Variants in CAMK4 observed in about 807,000 individuals in gnomAD.
CAMK4 encodes calcium/calmodulin dependent protein kinase IV.
Under a neutral mutation model 44.9 loss-of-function variants are expected in CAMK4, and 22 were observed. The observed-to-expected ratio is 0.49, with a 90% CI of 0.35 to 0.70. The LOEUF is 0.70. CAMK4 is among the 30% of genes least tolerant of loss of function. The pLI is 0.01. For missense variants in CAMK4, 498 were observed against 586.8 expected, an observed-to-expected ratio of 0.85 and a Z score of 1.56; for synonymous variants, 218 against 215.4, an observed-to-expected ratio of 1.01 and a Z score of -0.11.
chr5:111,329,178 C>T (rs416837), intron 1 of CAMK4, among the ~76,000 whole-genome samples: 75,487 of 151,694 alleles, frequency 0.5, 19,519 homozygotes, highest in African/African-American at 0.63. Flanking sequence ...AATTCAACAA[C>T]GCTTCATGCT....
At chr5:111,469,302 AAC>A (rs200058982) in intron 7 of CAMK4, among the ~76,000 whole-genome samples, 2,275 of 150,992 alleles carry the variant, frequency 0.015, 52 homozygotes, top group African/African-American at 0.051. Flanking sequence ...TTATTTTAAA[AAC>A]AATTATTTTT....
intron 2 of CAMK4, among the ~76,000 whole-genome samples, chr5:111,372,314 C>G (rs888775477): frequency 2.0e-5 from 3 of 152,114 alleles, no homozygotes; most frequent in Admixed American, 6.6e-5. Context: ...CAACCATGGT[C>G]AAAGGAGAGC....
At chr5:111,343,232 C>G (rs1749716305) in intron 1 of CAMK4, among the ~76,000 whole-genome samples, 1 of 151,662 alleles carries the variant, frequency 6.6e-6, no homozygotes, top group Non-Finnish European at 1.5e-5. Context: ...ATTCTTTGTG[C>G]TCACTTGGAA....
chr5:111,392,898 A>T (rs1751859591), intron 4 of CAMK4, among the ~76,000 whole-genome samples: 1 of 152,132 alleles, frequency 6.6e-6, no homozygotes, highest in African/African-American at 2.4e-5. Context: ...TTCAAAAGCC[A>T]ACTTGCATAG....
intron 1 of CAMK4, among the ~76,000 whole-genome samples, chr5:111,317,172 C>G (rs981305661): frequency 1.3e-5 from 2 of 152,088 alleles, no homozygotes; most frequent in African/African-American, 4.8e-5. Flanking sequence ...GAAACAAGTG[C>G]TAGGAGACTT....
chr5:111,269,723 A>G (rs992151266), intron 1 of CAMK4, among the ~76,000 whole-genome samples: 7 of 152,030 alleles, frequency 4.6e-5, no homozygotes, highest in African/African-American at 7.3e-5. Flanking sequence ...TGCAGTCCCT[A>G]AAGAGAGCAT....
intron 2 of CAMK4, among the ~76,000 whole-genome samples, chr5:111,364,767 G>C (rs939865660): frequency 1.3e-5 from 2 of 151,982 alleles, no homozygotes; most frequent in African/African-American, 4.8e-5. Flanking sequence ...ATAGGAAGTG[G>C]CTAGTAACAG....
chr5:111,433,983 G>A (rs548736834), intron 5 of CAMK4, among the ~76,000 whole-genome samples: 28 of 152,258 alleles, frequency 1.8e-4, no homozygotes, highest in African/African-American at 6.7e-4. Context: ...TTGGATATAT[G>A]GGGGTGCTTA....
chr5:111,308,237 A>G (rs1748018797), intron 1 of CAMK4, among the ~76,000 whole-genome samples: 1 of 147,800 alleles, frequency 6.8e-6, no homozygotes, highest in African/African-American at 2.6e-5. Context: ...GTACCCTAAA[A>G]CTTAGAGTAT....
chr5:111,436,432 A>T (rs894819114), intron 5 of CAMK4, among the ~76,000 whole-genome samples: 3 of 152,174 alleles, frequency 2.0e-5, no homozygotes, highest in African/African-American at 7.2e-5. Context: ...CCCTACCCAG[A>T]GGCTTTCATC....
chr5:111,298,031 T>C (rs1289074200), intron 1 of CAMK4, among the ~76,000 whole-genome samples: 2 of 152,232 alleles, frequency 1.3e-5, no homozygotes, highest in African/African-American at 2.4e-5. Context: ...TGGTGGTATC[T>C]CTAAGTTGAT....
chr5:111,260,164 G>C (rs1749914962), intron 1 of CAMK4, among the ~76,000 whole-genome samples: 1 of 152,042 alleles, frequency 6.6e-6, no homozygotes, highest in Non-Finnish European at 1.5e-5. Flanking sequence ...CCCCCATCCT[G>C]ATCTCTCATT....
intron 7 of CAMK4, among the ~76,000 whole-genome samples, chr5:111,456,255 A>T (rs1467033796): frequency 1.3e-5 from 2 of 152,074 alleles, no homozygotes; most frequent in Non-Finnish European, 2.9e-5. Context: ...TAATCCCAGC[A>T]CTTTGGGAGG....
chr5:111,253,162 T>G (rs900170869), intron 1 of CAMK4, among the ~76,000 whole-genome samples: 8 of 152,252 alleles, frequency 5.3e-5, no homozygotes, highest in African/African-American at 1.9e-4. Context: ...GCTTAGTTTT[T>G]GATGTGGAGG....
intron 7 of CAMK4, among the ~76,000 whole-genome samples, chr5:111,456,317 C>T (rs1754412229): frequency 1.3e-5 from 2 of 151,892 alleles, no homozygotes; most frequent in Admixed American, 1.3e-4. Flanking sequence ...CTGGCTAACC[C>T]CGTCTCTTCT....
At chr5:111,478,536 A>C in intron 9 of CAMK4, 29 bp downstream of exon 9, 2 of 1,291,062 alleles carry the variant, frequency 1.5e-6, no homozygotes, top group Non-Finnish European at 2.1e-6. Flanking sequence ...AAATGAAACA[A>C]AATGAAATAA....
At position 111,452,612 on chromosome 5, in the gene CAMK4, C is replaced by T. The variant is rs139550451; in HGVS notation, c.625+3409C>T. On this transcript the variant is annotated intron_variant, in intron 7 of 10. Transcript: ENST00000282356. ...TTCAATCTATTCTTAAATCTATCTA[C>T]TTTTTTAAAATATTTAAAAATTGTA... Among the ~76,000 whole-genome samples the T allele has an allele frequency of 4.1e-3, 622 of 152,248 alleles. 10 individuals carry two copies. The highest frequency in any genetic ancestry group is 0.014 in the African/African-American group (591 of 41,536).
At position 111,232,799 on chromosome 5, in the gene CAMK4, T is replaced by C. The variant is rs57665605; in HGVS notation, c.161+8155T>C. On this transcript the variant is annotated intron_variant, in intron 1 of 10. Transcript: ENST00000282356. ...TTTTTTTAAGGAAAAAACAATCCCA[T>C]AGCCTATGACTAGGTAAGAAAGGAG... 8.7e-3 allele frequency among the ~76,000 whole-genome samples: 1,318 copies of C among 151,586 alleles called. 17 individuals carry two copies. The highest frequency in any genetic ancestry group is 0.031 in the African/African-American group (1,263 of 41,346).
At chr5:111,389,760 A>C (rs150095575) in intron 4 of CAMK4, among the ~76,000 whole-genome samples, 1 of 152,220 alleles carries the variant, frequency 6.6e-6, no homozygotes, top group Non-Finnish European at 1.5e-5. Flanking sequence ...TTTAACAGCT[A>C]TTCTTCTCCA....
Sources: gnomAD v4.1 joint callset for allele counts (sites outside exome capture counted in the v4.1 genomes callset) on GRCh38, gnomAD v4.1.1 for gene constraint, MANE v1.5 for transcripts, NCBI Gene and HGNC (gene_info 2026-07-23, HGNC 2026-07-21) for gene names.